The following DNA2 variants were observed in gnomAD, a reference collection of about 807,000 sequenced individuals.
The protein encoded by DNA2 is DNA replication ATP-dependent helicase/nuclease DNA2.
DNA2 carries 101 observed loss-of-function variants against 119.1 expected under a neutral mutation model. The observed-to-expected ratio is 0.85, with a 90% CI of 0.72 to 1.00. The LOEUF (loss-of-function observed/expected upper bound fraction) is 1.00. Among genes scored for constraint, DNA2 ranks in the 50% least tolerant of loss-of-function variants. The pLI, the probability that DNA2 is intolerant of heterozygous loss-of-function variation, is 0.00. For synonymous variants in DNA2, 366 were observed against 424.4 expected (o/e 0.86, Z 1.69); for missense variants, 1,121 against 1,255.5 (o/e 0.89, Z 1.62).
chr10:68,441,350 A>G (rs1027027869), intron 9 of DNA2, among the ~76,000 whole-genome samples: 73 of 151,968 alleles, frequency 4.8e-4, no homozygotes, highest in African/African-American at 1.3e-3. Flanking sequence ...AAAAAAAAAA[A>G]AAAAAGAAAA....
chr10:68,422,306 A>C lies in DNA2; in HGVS notation c.2616T>G (p.Phe872Leu). Residue 872 changes from phenylalanine to leucine, a missense_variant, in exon 17 of 21, where the codon TTT becomes TTG. By Grantham distance (22) the Phe-to-Leu change is conservative (BLOSUM62 0). Coordinates refer to ENST00000358410, the MANE Select transcript of DNA2 (RefSeq NM_001080449.3). The stretch of plus-strand genomic sequence containing the variant: ...AAGGATTATCAGAATAGTCAGCATA[A>C]AATTCCAGTTCCAGCTTCACATCTT... ...HFKDVKLELEFYADYSDNPWL... is the reference protein window; with the variant it reads ...HFKDVKLELELYADYSDNPWL... 3 of 1,613,956 alleles carry C rather than the reference A, an allele frequency of 1.9e-6. No individual in the cohort carries two copies. Among genetic ancestry groups the C allele is most frequent in the African/African-American group, 2.7e-5 (2 of 75,056 alleles).
intron 4 of DNA2, among the ~76,000 whole-genome samples, chr10:68,464,844 A>C (rs111361644): frequency 6.7e-6 from 1 of 149,744 alleles, no homozygotes; most frequent in Non-Finnish European, 1.5e-5. Context: ...AAAAAAAAAA[A>C]AAAAAAAAAA....
chr10:68,437,676 A>AAACAG (rs2051909350), intron 9 of DNA2, among the ~76,000 whole-genome samples: 1 of 151,402 alleles, frequency 6.6e-6, no homozygotes, highest in African/African-American at 2.4e-5. Flanking sequence ...AACAAAAACA[A>AAACAG]AACAAAACAG....
Position 68,422,852 on chromosome 10 carries a change from T to C in DNA2, c.2247A>G (p.Pro749=), listed in dbSNP as rs2051684397. 1 of 1,608,100 alleles carries C rather than the reference T, an allele frequency of 6.2e-7. No homozygotes were observed. Among genetic ancestry groups the C allele is most frequent in the East Asian group, 2.2e-5 (1 of 44,856 alleles). ...AATCAAAAATTTTACGGGAAAATAT[T>C]GGATGGTTTATTCCCATACATGTTG... ...VATTCMGINH[P]IFSRKIFDFC... The change falls in exon 15 of 21, where the codon CCA becomes CCG. Residue 749 remains proline, a synonymous_variant. Coordinates refer to ENST00000358410, the MANE Select transcript of DNA2 (RefSeq NM_001080449.3).
At chr10:68,433,809 AT>A (rs2079145000) in intron 10 of DNA2, among the ~76,000 whole-genome samples, 1 of 152,160 alleles carries the variant, frequency 6.6e-6, no homozygotes, top group Non-Finnish European at 1.5e-5. Flanking sequence ...TCTTCCTTAT[AT>A]TTTATATTCT....
At position 68,433,033 on chromosome 10, in the gene DNA2, C is replaced by T. The variant is rs2051842554; in HGVS notation, c.1647-523G>A. Among the ~76,000 whole-genome samples the T allele has an allele frequency of 2.0e-5, 3 of 152,154 alleles. No individual in the cohort carries two copies. The South Asian group carries it at 6.2e-4, about 32-fold the overall frequency. ...GGCCTGACCTCACACTCCTCTCCTA[C>T]CTGGTTCCTCACCCAAGCTTTGGGT... On this transcript the variant is annotated intron_variant, in intron 10 of 20. Coordinates refer to ENST00000358410, the MANE Select transcript of DNA2 (RefSeq NM_001080449.3).
chr10:68,426,685 A>G (rs1038095758), intron 14 of DNA2, among the ~76,000 whole-genome samples: 1 of 150,158 alleles, frequency 6.7e-6, no homozygotes, highest in African/African-American at 2.5e-5. Context: ...AAAAAATACA[A>G]AAAATTAGCC....
In DNA2 at chr10:68,430,782, G is replaced by A. The variant is rs1167776091; in HGVS notation, c.1984-122C>T. On this transcript the variant is annotated intron_variant, in intron 13 of 20. Coordinates refer to ENST00000358410, the MANE Select transcript of DNA2 (RefSeq NM_001080449.3). The stretch of plus-strand genomic sequence containing the variant: ...AGCTGAGCCAAGTAAAAATTATGAA[G>A]CCAAAACATTTTACAAAAATTACAT... 9 of 747,152 alleles carry A rather than the reference G, an allele frequency of 1.2e-5. No individual in the cohort carries two copies. In the East Asian group the frequency reaches 2.4e-4, roughly 20 times the overall value. The allele number at this position is 747,152 out of a possible 1,614,324, so 46.3% of individuals were successfully genotyped here. A position where few individuals can be genotyped will look rare whatever the true frequency, so the allele number is the denominator to read the frequency against.
rs560002078 is a variant in DNA2 at position 68,419,978 on chromosome 10, C to T, written c.2698-86G>A. Reference sequence around the variant, plus strand: ...CAACTGGCCATAAAGACTATACTACCGACTTGGAGATGAAAAATAGCTTTG... The same window carrying T: ...CAACTGGCCATAAAGACTATACTACTGACTTGGAGATGAAAAATAGCTTTG... On this transcript the variant is annotated intron_variant, in intron 17 of 20. Transcript: ENST00000358410. 1.9e-4 allele frequency: 187 copies of T among 997,162 alleles called. No homozygotes were observed. The African/African-American group carries it at 2.3e-3, about 12-fold the overall frequency. 61.8% of individuals were successfully genotyped at this position (997,162 alleles called of 1,614,324 possible).
At position 68,414,981 on chromosome 10, in the gene DNA2, A is replaced by G; in HGVS notation, c.*58T>C. The G allele has an allele frequency of 2.8e-6, 3 of 1,062,552 alleles. No homozygotes were observed. Among genetic ancestry groups the G allele is most frequent in the Non-Finnish European group, 2.7e-6 (2 of 727,354 alleles). 65.8% of individuals were successfully genotyped at this position (1,062,552 alleles called of 1,614,324 possible). ...TTTGTATGGTGATAGAATTTTCTGT[A>G]TGGGCACTAGCTAGAGGAGATACTG... On this transcript the variant is annotated 3_prime_UTR_variant, in exon 21 of 21. Coordinates refer to ENST00000358410, the MANE Select transcript of DNA2 (RefSeq NM_001080449.3).
At chr10:68,450,331 C>T (rs964611979) in intron 5 of DNA2, 84 bp from the exon 6 acceptor site, 10 of 1,057,104 alleles carry the variant, frequency 9.5e-6, no homozygotes, top group Admixed American at 2.3e-5. Flanking sequence ...CTATTACACA[C>T]AGAGAATGTG....
At chr10:68,457,737 GAA>G (rs74318507) in intron 5 of DNA2, among the ~76,000 whole-genome samples, 1 of 96,728 alleles carries the variant, frequency 1.0e-5, no homozygotes. Flanking sequence ...GCCACTTTGA[GAA>G]AAAAAAAAAA....
chr10:68,460,846 G>A (rs1299239037), intron 4 of DNA2, among the ~76,000 whole-genome samples: 1 of 151,864 alleles, frequency 6.6e-6, no homozygotes, highest in Non-Finnish European at 1.5e-5. Context: ...AAAAGTTTGA[G>A]GTTACGTGAC....
At chr10:68,464,814 A>G (rs1314586045) in intron 4 of DNA2, among the ~76,000 whole-genome samples, 1 of 120,846 alleles carries the variant, frequency 8.3e-6, no homozygotes, top group African/African-American at 3.1e-5. Flanking sequence ...GGACAACAAG[A>G]GCGAAACTCC....
At chr10:68,466,467 T>C (rs1241279215) in intron 3 of DNA2, among the ~76,000 whole-genome samples, 3 of 150,292 alleles carry the variant, frequency 2.0e-5, no homozygotes, top group African/African-American at 7.2e-5. Context: ...AGCAGTAATG[T>C]TTGGGAAGAA....
chr10:68,418,669 A>ATTTTTTT (rs34507769), intron 19 of DNA2, among the ~76,000 whole-genome samples: 1 of 113,844 alleles, frequency 8.8e-6, no homozygotes, highest in East Asian at 2.4e-4. Context: ...TTAAACCGCA[A>ATTTTTTT]TTTTTTTTTT....
Position 68,445,011 on chromosome 10 carries a change from T to A in DNA2, c.1130A>T (p.Lys377Met). The change falls in exon 8 of 21, where the codon AAG (lysine) becomes ATG (methionine). Residue 377 changes from lysine (K) to methionine (M), a missense_variant. By Grantham distance (95) the Lys-to-Met change is moderately conservative. Coordinates refer to ENST00000358410, the MANE Select transcript of DNA2 (RefSeq NM_001080449.3). Reference protein sequence around the residue: ...HRISKSATRQKTQLASLPQII... With the variant: ...HRISKSATRQMTQLASLPQII... ...TTGTGGCAAAGAAGCAAGCTGTGTC[T>A]TCTGTCTAGTAGCAGATTTGCTAAT... is the stretch of plus-strand genomic sequence containing the variant. 6.2e-7 allele frequency: 1 copy of A among 1,613,568 alleles called. No homozygotes were observed. Among genetic ancestry groups the A allele is most frequent in the Non-Finnish European group, 8.5e-7 (1 of 1,179,588 alleles).
intron 5 of DNA2, among the ~76,000 whole-genome samples, chr10:68,453,640 C>T (rs2052147854): frequency 6.6e-6 from 1 of 152,304 alleles, no homozygotes; most frequent in South Asian, 2.1e-4. Context: ...TAATACAACA[C>T]ACTACCTTTT....
intron 10 of DNA2, among the ~76,000 whole-genome samples, chr10:68,434,051 G>A (rs1467277783): frequency 6.6e-6 from 1 of 152,140 alleles, no homozygotes; most frequent in Non-Finnish European, 1.5e-5. Flanking sequence ...GAGGCAGGAG[G>A]ATCACTTGAG....
Sources: gnomAD v4.1 joint callset for allele counts (sites outside exome capture counted in the v4.1 genomes callset) on GRCh38, gnomAD v4.1.1 for gene constraint, MANE v1.5 for transcripts, NCBI Gene and HGNC (gene_info 2026-07-23, HGNC 2026-07-21) for gene names.